WWP2: variants seen among roughly 807,000 people sequenced by gnomAD.
WWP2 encodes NEDD4-like E3 ubiquitin-protein ligase WWP2.
WWP2 carries 57 observed loss-of-function variants against 121.0 expected under a neutral mutation model. The ratio of observed to expected loss-of-function variants is 0.47; its 90% CI spans 0.38 to 0.59. The LOEUF is 0.59. Among genes scored for constraint, WWP2 ranks in the 20% least tolerant of loss-of-function variants. WWP2 has a pLI of 0.00. For missense variants in WWP2, 962 were observed against 1,158.9 expected (o/e 0.83, Z 2.47); for synonymous variants, 449 against 441.3 (o/e 1.02, Z -0.22).
At chr16:69,874,854 C>T (rs1051827378) in intron 7 of WWP2, among the ~76,000 whole-genome samples, 3 of 152,170 alleles carry the variant, frequency 2.0e-5, no homozygotes, top group African/African-American at 4.8e-5. Flanking sequence ...TTAGTTTTCT[C>T]ATTTATAAAA....
At position 69,779,536 on chromosome 16, in the gene WWP2, C is replaced by T. The variant is rs895956398; in HGVS notation, c.-15-7460C>T. Among the ~76,000 whole-genome samples the T allele has an allele frequency of 1.3e-4, 20 of 152,286 alleles. 2 individuals are homozygous for T. Among genetic ancestry groups the T allele is most frequent in the East Asian group, 3.9e-4 (2 of 5,192 alleles). On this transcript the variant is annotated intron_variant, in intron 1 of 23. Coordinates refer to ENST00000359154, the MANE Select transcript of WWP2 (RefSeq NM_001270454.2). ...AATTTATCTGATTGTTTTAGTTTTG[C>T]GGCCCTGAAGTGTAGATCAAAAAGT... is the stretch of plus-strand genomic sequence containing the variant.
At chr16:69,872,693 C>G (rs1022796633) in intron 7 of WWP2, among the ~76,000 whole-genome samples, 1 of 152,202 alleles carries the variant, frequency 6.6e-6, no homozygotes, top group African/African-American at 2.4e-5. Context: ...GGTTGAGATG[C>G]TGACTGGGGC....
chr16:69,937,727 A>G lies in WWP2; in HGVS notation c.2343+75A>G. 1 of 1,413,960 alleles carries G rather than the reference A, an allele frequency of 7.1e-7. No homozygotes were observed. Among genetic ancestry groups the G allele is most frequent in the Non-Finnish European group, 9.9e-7 (1 of 1,013,958 alleles). The allele number at this position is 1,413,960 out of a possible 1,614,324, so 87.6% of individuals were successfully genotyped here. A position where few individuals can be genotyped will look rare whatever the true frequency, so the allele number is the denominator to read the frequency against. Reference sequence around the variant, plus strand: ...AGGAAACGGGTCCTGAGGAGGCCTCACGCGCAAGGACCTTCAGCTTTGGCC... The same window carrying G: ...AGGAAACGGGTCCTGAGGAGGCCTCGCGCGCAAGGACCTTCAGCTTTGGCC... On this transcript the variant is annotated intron_variant, in intron 21 of 23. Coordinates refer to ENST00000359154, the MANE Select transcript of WWP2 (RefSeq NM_001270454.2). This position sits in a 1 kb window ranked among gnomAD's most constrained non-coding sequence, Gnocchi z 6.6.
chr16:69,783,344 A>G (rs557068422), intron 1 of WWP2, among the ~76,000 whole-genome samples: 11 of 152,174 alleles, frequency 7.2e-5, no homozygotes, highest in African/African-American at 2.6e-4. Flanking sequence ...ATGGTGAATT[A>G]ATAACCATGT....
chr16:69,881,775 T>A (rs1360619546), intron 7 of WWP2, among the ~76,000 whole-genome samples: 1 of 152,226 alleles, frequency 6.6e-6, no homozygotes, highest in Non-Finnish European at 1.5e-5. Context: ...CACTGCAGCC[T>A]CCCCTTCCTG....
In WWP2 at chr16:69,925,176, C is replaced by T. The variant is rs557135025; in HGVS notation, c.1180-254C>T. 5.4e-6 allele frequency: 7 copies of T among 1,289,456 alleles called. No individual in the cohort carries two copies. Among genetic ancestry groups the T allele is most frequent in the Admixed American group, 3.5e-5 (1 of 28,264 alleles). 79.9% of individuals were successfully genotyped at this position (1,289,456 alleles called of 1,614,324 possible). A position where few individuals can be genotyped will look rare whatever the true frequency, so the allele number is the denominator to read the frequency against. On this transcript the variant is annotated intron_variant, in intron 10 of 23. Coordinates refer to ENST00000359154, the MANE Select transcript of WWP2 (RefSeq NM_001270454.2). The surrounding 1 kb of genome is among the most constrained non-coding windows in gnomAD (Gnocchi z 4.0). ...CTTCACCCGCGTACCGCCTCCTCCC[C>T]GTCGCTCTGCCTTTTCCAAAACTCA...
chr16:69,937,731 G>A lies in WWP2; in HGVS notation c.2343+79G>A, dbSNP rs753509815. ...AACGGGTCCTGAGGAGGCCTCACGC[G>A]CAAGGACCTTCAGCTTTGGCCCTGT... On this transcript the variant is annotated intron_variant, in intron 21 of 23. Transcript: ENST00000359154. The surrounding 1 kb of genome is among the most constrained non-coding windows in gnomAD (Gnocchi z 6.6). 2.8e-5 allele frequency: 39 copies of A among 1,388,590 alleles called. 1 individual carries two copies. The highest frequency in any genetic ancestry group is 1.7e-4 in the Admixed American group (9 of 52,988). The allele number at this position is 1,388,590 out of a possible 1,614,324, so 86.0% of individuals were successfully genotyped here.
rs867930821 is a variant in WWP2, at chr16:69,939,081, G to A, written c.2398G>A (p.Gly800Ser). The change falls in exon 22 of 24, where the codon GGT (glycine) becomes AGT (serine). Residue 800 changes from glycine to serine, a missense_variant. Physicochemically the swap from Gly to Ser is moderately conservative, Grantham distance 56. Around this residue, in one of 3 missense-constraint regions of WWP2, gnomAD observed 606 missense variants for 772.6 expected, o/e 0.78. Coordinates refer to ENST00000359154, the MANE Select transcript of WWP2 (RefSeq NM_001270454.2). The stretch of plus-strand genomic sequence containing the variant: ...GATCCGGCTGCTGCAGTTTGTCACC[G>A]GTACCTGCCGCCTGCCCGTCGGGGG... ...KRIRLLQFVT[G>S]TCRLPVGGFA... 3.7e-6 allele frequency: 6 copies of A among 1,606,718 alleles called. No individual in the cohort carries two copies. Among genetic ancestry groups the A allele is most frequent in the South Asian group, 2.2e-5 (2 of 89,804 alleles).
rs1875245 is a variant in WWP2 at position 69,929,500 on chromosome 16, G to A, written c.1287G>A (p.Thr429=). 55,853 of 1,613,796 alleles carry A rather than the reference G, an allele frequency of 0.035. 1,161 individuals are homozygous for A. The highest frequency in any genetic ancestry group is 0.1 in the East Asian group (4,510 of 44,854). ...ATTACGTGAACCATAACACTCGCAC[G>A]ACCCAGTGGGAGGATCCCCGGACCC... ...RVYYVNHNTR[T]TQWEDPRTQG... is the part of the protein sequence containing the mutation. The change falls in exon 12 of 24, where the codon ACG becomes ACA. Residue 429 remains threonine (T), a synonymous_variant. Transcript: ENST00000359154.
intron 4 of WWP2, among the ~76,000 whole-genome samples, chr16:69,813,877 A>G (rs566941267): frequency 2.0e-4 from 31 of 152,254 alleles, no homozygotes; most frequent in South Asian, 1.0e-3. Context: ...TTTTTGTCCC[A>G]ACATAATCCA....
intron 10 of WWP2, among the ~76,000 whole-genome samples, chr16:69,919,822 A>T (rs887879062): frequency 4.6e-5 from 6 of 130,472 alleles, no homozygotes; most frequent in African/African-American, 9.0e-5. Context: ...ACAAGGTCTC[A>T]TTCTGTGTCA....
At chr16:69,918,985 A>G (rs1210830148) in intron 10 of WWP2, among the ~76,000 whole-genome samples, 2 of 151,258 alleles carry the variant, frequency 1.3e-5, no homozygotes, top group East Asian at 3.9e-4. Flanking sequence ...CTGGGATTAC[A>G]GGTGCCCACC....
At chr16:69,802,917 T>C (rs1162746558) in intron 4 of WWP2, among the ~76,000 whole-genome samples, 3 of 152,198 alleles carry the variant, frequency 2.0e-5, no homozygotes. Flanking sequence ...AGATATCTTA[T>C]TATGTATGTG....
At chr16:69,880,556 A>G (rs536299795) in intron 7 of WWP2, among the ~76,000 whole-genome samples, 4 of 152,312 alleles carry the variant, frequency 2.6e-5, no homozygotes, top group East Asian at 3.8e-4. Context: ...CTTCCCATCA[A>G]TCAGGTAACA....
rs370493874 is a variant in WWP2, at chr16:69,893,078, T to C, written c.914+4829T>C. On this transcript the variant is annotated intron_variant, in intron 8 of 23. Transcript: ENST00000359154. ...CACCCTCTCTCCGGACTTAGGATCC[T>C]CCCCCATGCTGGTCACTCTTTCTGA... is the stretch of plus-strand genomic sequence containing the variant. Among the ~76,000 whole-genome samples, 17 of 152,336 alleles carry C rather than the reference T, an allele frequency of 1.1e-4. 2 individuals are homozygous for C. Among genetic ancestry groups the C allele is most frequent in the East Asian group, 3.9e-4 (2 of 5,184 alleles).
intron 10 of WWP2, among the ~76,000 whole-genome samples, chr16:69,923,927 C>T (rs573708489): frequency 1.3e-5 from 2 of 151,706 alleles, no homozygotes; most frequent in Non-Finnish European, 2.9e-5. Flanking sequence ...CACAGACACA[C>T]GCCCCCATGA....
In WWP2 at chr16:69,794,124, G is replaced by A. The variant is rs28624208; in HGVS notation, c.71-4558G>A. 9.2e-3 allele frequency among the ~76,000 whole-genome samples: 1,403 copies of A among 152,094 alleles called. 21 individuals are homozygous for A. The highest frequency in any genetic ancestry group is 0.032 in the African/African-American group (1,335 of 41,500). ...GTAGAGACGGGGTTTCACCAAGTTG[G>A]CCAGGCTGGTTTCAAACTCCTGGTC... On this transcript the variant is annotated intron_variant, in intron 2 of 23. Coordinates refer to ENST00000359154, the MANE Select transcript of WWP2 (RefSeq NM_001270454.2).
rs753772982 is a variant in WWP2 at position 69,930,149 on chromosome 16, C to T, written c.1336C>T (p.Leu446=). The T allele has an allele frequency of 6.2e-7, 1 of 1,614,122 alleles. No individual in the cohort carries two copies. The highest frequency in any genetic ancestry group is 8.5e-7 in the Non-Finnish European group (1 of 1,180,008). The change falls in exon 13 of 24, where the codon CTG becomes TTG. Residue 446 remains leucine, a synonymous_variant. Coordinates refer to ENST00000359154, the MANE Select transcript of WWP2 (RefSeq NM_001270454.2). Reference sequence around the variant, plus strand: ...TTCCAGGATGATCCAGGAACCAGCTCTGCCCCCAGGATGGGAGATGAAATA... The same window carrying T: ...TTCCAGGATGATCCAGGAACCAGCTTTGCCCCCAGGATGGGAGATGAAATA... ...RTQGMIQEPA[L]PPGWEMKYTS...
intron 9 of WWP2, among the ~76,000 whole-genome samples, chr16:69,912,995 T>TA (rs1325470664): frequency 6.0e-4 from 1 of 1,656 alleles, no homozygotes; most frequent in Non-Finnish European, 1.0e-3. Context: ...TATATATATA[T>TA]TTTTTTTTTT....
Sources: allele counts gnomAD v4.1 joint callset (sites outside exome capture counted in the v4.1 genomes callset), GRCh38; gene constraint gnomAD v4.1.1; regional missense constraint gnomAD v4.1.1; non-coding constraint Gnocchi (gnomAD v3.1); transcripts MANE v1.5; gene names NCBI Gene and HGNC (gene_info 2026-07-23, HGNC 2026-07-21).